PRKX: variants seen among roughly 807,000 people sequenced by gnomAD.
PRKX encodes the protein cAMP-dependent protein kinase catalytic subunit PRKX.
In PRKX, 12 loss-of-function variants were observed where a neutral mutation model predicts 22.0. That is an observed-to-expected ratio of 0.54 (90% CI 0.35 to 0.88). The LOEUF (loss-of-function observed/expected upper bound fraction) is 0.88. Ranked by LOEUF, PRKX falls within the 40% of genes least tolerant of loss-of-function variation. The pLI is 0.01. For synonymous variants in PRKX, 134 were observed against 137.7 expected (o/e 0.97, Z 0.19); for missense variants, 217 against 308.0 (o/e 0.70, Z 2.21).
At position 3,664,262 on chromosome X, in the gene PRKX, C is replaced by T. The variant is rs1006046118; in HGVS notation, c.336-8850G>A. Among the ~76,000 whole-genome samples the T allele has an allele frequency of 1.5e-4, 17 of 112,082 alleles. 1 individual carries two copies. The highest frequency in any genetic ancestry group is 2.8e-4 in the Admixed American group (3 of 10,566). ...TTTTTGTTTTTTTCCTAGATAGGGT[C>T]TCGCTCTGTTGTTGCATAGGCTGGA... is the stretch of plus-strand genomic sequence containing the variant. On this transcript the variant is annotated intron_variant, in intron 2 of 8. Transcript: ENST00000262848.
intron 3 of PRKX, among the ~76,000 whole-genome samples, chrX:3,642,473 A>T (rs1302496516): frequency 9.1e-6 from 1 of 109,861 alleles, no homozygotes; most frequent in Non-Finnish European, 1.9e-5. Context: ...TGGCCGCTGG[A>T]AGGAGAAGCA....
Position 3,713,503 on chromosome X carries a change from A to T in PRKX, c.-250T>A, listed in dbSNP as rs370675550. On this transcript the variant is annotated 5_prime_UTR_variant, in exon 1 of 9. Coordinates refer to ENST00000262848, the MANE Select transcript of PRKX (RefSeq NM_005044.5). ...CGCCGGCCTCGGGGGGCGGGCACCG[A>T]GTGCGGGACGACTGCGGGGAAGGCG... 1.2e-4 allele frequency: 27 copies of T among 226,693 alleles called. No individual in the cohort carries two copies. Among genetic ancestry groups the T allele is most frequent in the East Asian group, 1.1e-3 (16 of 14,559 alleles). 18.7% of individuals were successfully genotyped at this position (226,693 alleles called of 1,213,427 possible).
At chrX:3,616,893 T>C (rs1926431103) in intron 6 of PRKX, among the ~76,000 whole-genome samples, 1 of 111,689 alleles carries the variant, frequency 9.0e-6, no homozygotes, top group Non-Finnish European at 1.9e-5. Context: ...AATAAGAGAA[T>C]AAAATAAATT....
At chrX:3,623,833 G>T (rs893859836) in intron 5 of PRKX, among the ~76,000 whole-genome samples, 1 of 111,422 alleles carries the variant, frequency 9.0e-6, no homozygotes, top group African/African-American at 3.3e-5. Context: ...AAAAAACACC[G>T]GCAGATAATA....
At chrX:3,638,527 C>T (rs778686050) in intron 4 of PRKX, among the ~76,000 whole-genome samples, 35 of 111,545 alleles carry the variant, frequency 3.1e-4, no homozygotes, top group African/African-American at 1.0e-3. Flanking sequence ...GGACGCTGAT[C>T]AATATGCCTA....
intron 4 of PRKX, among the ~76,000 whole-genome samples, chrX:3,636,465 G>T (rs907593887): frequency 7.1e-5 from 8 of 112,878 alleles, no homozygotes; most frequent in Non-Finnish European, 1.5e-4. Context: ...GAAAACAGAT[G>T]GGCTGGTCGG....
At chrX:3,629,094 C>CG (rs1569043230) in intron 4 of PRKX, among the ~76,000 whole-genome samples, 1 of 112,055 alleles carries the variant, frequency 8.9e-6, no homozygotes, top group African/African-American at 3.2e-5. Context: ...GTGGTGAATA[C>CG]GCCACTATGG....
At chrX:3,693,965 GA>G (rs1258482181) in intron 1 of PRKX, among the ~76,000 whole-genome samples, 1 of 99,311 alleles carries the variant, frequency 1.0e-5, no homozygotes, top group Non-Finnish European at 2.0e-5. Flanking sequence ...AAAAAGAAAA[GA>G]AAATAGGGTC....
rs570743510 is a variant in PRKX at position 3,670,996 on chromosome X, A to G, written c.335+3602T>C. The stretch of plus-strand genomic sequence containing the variant: ...CTTCAGGGCCTGCCTTGTTTTCTGC[A>G]CTATTTCAAAATCAAAGAACTGTAT... On this transcript the variant is annotated intron_variant, in intron 2 of 8. Coordinates refer to ENST00000262848, the MANE Select transcript of PRKX (RefSeq NM_005044.5). Among the ~76,000 whole-genome samples the G allele has an allele frequency of 2.7e-5, 3 of 111,664 alleles. No homozygotes were observed. In the South Asian group the frequency reaches 1.1e-3, roughly 42 times the overall value.
intron 1 of PRKX, among the ~76,000 whole-genome samples, chrX:3,677,327 CTTTTT>C (rs532175668): frequency 4.4e-5 from 4 of 90,673 alleles, no homozygotes; most frequent in East Asian, 3.4e-4. Context: ...ATTGTTTTGT[CTTTTT>C]TTTTTTTTTT....
At chrX:3,654,054 ATATAG>A (rs1432066472) in intron 3 of PRKX, among the ~76,000 whole-genome samples, 2 of 82,884 alleles carry the variant, frequency 2.4e-5, no homozygotes, top group African/African-American at 9.7e-5. Context: ...TATATATATT[ATATAG>A]TATAATATAC....
intron 1 of PRKX, among the ~76,000 whole-genome samples, chrX:3,688,975 C>G (rs1206382381): frequency 2.7e-5 from 3 of 110,826 alleles, no homozygotes; most frequent in Non-Finnish European, 5.7e-5. Context: ...AATATGGGCA[C>G]CTGGGTGGAA....
At chrX:3,614,943 T>C (rs987155983) in intron 7 of PRKX, among the ~76,000 whole-genome samples, 2 of 108,982 alleles carry the variant, frequency 1.8e-5, no homozygotes, top group Middle Eastern at 4.3e-3. Flanking sequence ...ACACATTGCT[T>C]AACTTCTCTG....
intron 1 of PRKX, among the ~76,000 whole-genome samples, chrX:3,701,527 T>A (rs1928572855): frequency 8.9e-6 from 1 of 112,502 alleles, no homozygotes; most frequent in Admixed American, 9.5e-5. Context: ...GATTTTGCGA[T>A]CTTTGAAGAA....
chrX:3,614,471 G>C (rs915424011), intron 7 of PRKX, among the ~76,000 whole-genome samples: 1 of 112,133 alleles, frequency 8.9e-6, no homozygotes, highest in African/African-American at 3.2e-5. Context: ...CTGGGCAACA[G>C]AGCAAGACGC....
At chrX:3,678,789 G>A (rs1379007765) in intron 1 of PRKX, among the ~76,000 whole-genome samples, 1 of 111,932 alleles carries the variant, frequency 8.9e-6, no homozygotes, top group African/African-American at 3.3e-5. Context: ...AGGCTCTCCA[G>A]TACACATTCC....
At chrX:3,622,576 T>C (rs1926579695) in intron 5 of PRKX, among the ~76,000 whole-genome samples, 1 of 110,803 alleles carries the variant, frequency 9.0e-6, no homozygotes, top group African/African-American at 3.3e-5. Context: ...TCGCCAGTGC[T>C]GTCTGATCGG....
chrX:3,618,066 AAAGAGAG>A (rs1313898874), intron 6 of PRKX, among the ~76,000 whole-genome samples: 1 of 85,142 alleles, frequency 1.2e-5, no homozygotes, highest in African/African-American at 4.4e-5. Context: ...AAAAAAAAAA[AAAGAGAG>A]AGAGAGAGAG....
At chrX:3,635,612 G>GTGTCTTGCTCTGTTACCCAAGC (rs1255667752) in intron 4 of PRKX, among the ~76,000 whole-genome samples, 1 of 110,048 alleles carries the variant, frequency 9.1e-6, no homozygotes, top group East Asian at 2.8e-4. Context: ...TTCTGAGACA[G>GTGTCTTGCTCTGTTACCCAAGC]TGTCTTGCTC....
Sources: allele counts gnomAD v4.1 joint callset (sites outside exome capture counted in the v4.1 genomes callset), GRCh38; gene constraint gnomAD v4.1.1; transcripts MANE v1.5; gene names NCBI Gene and HGNC (gene_info 2026-07-23, HGNC 2026-07-21).